Variants in LRP1B observed in about 807,000 individuals in gnomAD.
LRP1B encodes low-density lipoprotein receptor-related protein 1B.
LRP1B carries 217 observed loss-of-function variants against 556.6 expected under a neutral mutation model. That is an observed-to-expected ratio of 0.39 (90% CI 0.35 to 0.44). The LOEUF (loss-of-function observed/expected upper bound fraction) is 0.44. LRP1B is among the 20% of genes least tolerant of loss of function. The probability of loss-of-function intolerance (pLI) is 1.00; values close to 1 mark genes in which losing one functional copy is unlikely to be tolerated. For missense variants in LRP1B, 5,053 were observed against 5,620.8 expected (o/e 0.90, Z 3.23); for synonymous variants, 2,047 against 1,865.8 (o/e 1.10, Z -2.50).
chr2:141,527,285 T>C (rs909233635), intron 2 of LRP1B, among the ~76,000 whole-genome samples: 4 of 152,092 alleles, frequency 2.6e-5, no homozygotes, highest in Non-Finnish European at 4.4e-5. Flanking sequence ...TTACAAGGAA[T>C]ATAACAAGGC....
chr2:140,850,186 G>A lies in LRP1B; in HGVS notation c.4855C>T (p.Arg1619Cys), dbSNP rs760556842. The change falls in exon 29 of 91, where the codon CGT (arginine) becomes TGT (cysteine). Residue 1619 changes from arginine to cysteine, a missense_variant. By Grantham distance (180) the Arg-to-Cys change is radical. Coordinates refer to ENST00000389484, the MANE Select transcript of LRP1B (RefSeq NM_018557.3). ...TVIDFDASEERLYWTDIKTQT... is the reference protein window; with the variant it reads ...TVIDFDASEECLYWTDIKTQT... Reference sequence around the variant, plus strand: ...GTTTTAATATCTGTCCAGTATAAACGTTCCTCAGATGCATCGAAGTCTATC... The same window carrying A: ...GTTTTAATATCTGTCCAGTATAAACATTCCTCAGATGCATCGAAGTCTATC... 3.0e-5 allele frequency: 49 copies of A among 1,613,402 alleles called. 1 individual carries two copies. The highest frequency in any genetic ancestry group is 3.3e-5 in the South Asian group (3 of 91,074).
chr2:141,261,242 CT>C (rs957521260), intron 3 of LRP1B, among the ~76,000 whole-genome samples: 5 of 152,122 alleles, frequency 3.3e-5, no homozygotes, highest in Admixed American at 3.3e-4. Flanking sequence ...TCAGAATTTC[CT>C]TGTCTTAGTG....
chr2:140,853,760 T>C (rs1692529575), intron 27 of LRP1B, among the ~76,000 whole-genome samples: 1 of 152,106 alleles, frequency 6.6e-6, no homozygotes, highest in Non-Finnish European at 1.5e-5. Context: ...CAAAAGATAA[T>C]AGAAAAGAGT....
At chr2:140,655,926 G>A (rs1214614237) in intron 41 of LRP1B, among the ~76,000 whole-genome samples, 1 of 145,784 alleles carries the variant, frequency 6.9e-6, no homozygotes, top group Admixed American at 7.1e-5. Context: ...CTGGGAGACA[G>A]GGTGAGACTC....
chr2:141,944,509 T>C (rs974880338), intron 1 of LRP1B, among the ~76,000 whole-genome samples: 1 of 152,148 alleles, frequency 6.6e-6, no homozygotes, highest in African/African-American at 2.4e-5. Flanking sequence ...GGCCAAGGAA[T>C]GCTTTGAGAC....
intron 1 of LRP1B, among the ~76,000 whole-genome samples, chr2:141,870,449 C>G (rs1405003215): frequency 2.0e-5 from 3 of 151,796 alleles, no homozygotes; most frequent in Non-Finnish European, 4.4e-5. Context: ...GCCAATGTTT[C>G]CAAATAATTT....
chr2:140,587,727 T>C (rs1682043033), intron 43 of LRP1B, among the ~76,000 whole-genome samples: 1 of 152,150 alleles, frequency 6.6e-6, no homozygotes, highest in African/African-American at 2.4e-5. Flanking sequence ...CCACAATACA[T>C]ACATATATCA....
At chr2:141,600,834 C>T (rs1162749287) in intron 2 of LRP1B, among the ~76,000 whole-genome samples, 1 of 152,022 alleles carries the variant, frequency 6.6e-6, no homozygotes, top group African/African-American at 2.4e-5. Context: ...GCAGTTATAC[C>T]AGTCCCTCTT....
chr2:140,550,276 C>T (rs1184295101), intron 43 of LRP1B, among the ~76,000 whole-genome samples: 3 of 152,082 alleles, frequency 2.0e-5, no homozygotes, highest in African/African-American at 7.2e-5. Flanking sequence ...TTACCCACTG[C>T]TATGCAGATG....
intron 3 of LRP1B, among the ~76,000 whole-genome samples, chr2:141,287,774 T>G (rs1159021335): frequency 1.3e-5 from 2 of 152,164 alleles, no homozygotes; most frequent in Admixed American, 1.3e-4. Context: ...ACCCAGTATA[T>G]AATTTATATG....
At chr2:141,697,967 T>C (rs939001081) in intron 2 of LRP1B, among the ~76,000 whole-genome samples, 3 of 151,918 alleles carry the variant, frequency 2.0e-5, no homozygotes, top group African/African-American at 7.2e-5. Flanking sequence ...AGCACCAACA[T>C]TCTCTGTTTC....
intron 69 of LRP1B, among the ~76,000 whole-genome samples, chr2:140,371,753 G>T (rs1683010808): frequency 6.6e-6 from 1 of 151,714 alleles, no homozygotes; most frequent in African/African-American, 2.4e-5. Flanking sequence ...CAAAATCTTG[G>T]CATGGTCTCA....
chr2:141,421,544 A>G (rs1370994609), intron 3 of LRP1B, among the ~76,000 whole-genome samples: 3 of 146,858 alleles, frequency 2.0e-5, no homozygotes, highest in Non-Finnish European at 4.6e-5. Flanking sequence ...AAAAAAAAAA[A>G]ATTTACCTCT....
At chr2:141,749,039 T>C (rs1236223251) in intron 2 of LRP1B, among the ~76,000 whole-genome samples, 1 of 152,208 alleles carries the variant, frequency 6.6e-6, no homozygotes, top group Non-Finnish European at 1.5e-5. Flanking sequence ...AATCTAAGAA[T>C]GGGATGGAGA....
At chr2:140,604,892 C>T (rs1461982066) in intron 41 of LRP1B, among the ~76,000 whole-genome samples, 2 of 152,126 alleles carry the variant, frequency 1.3e-5, no homozygotes, top group Non-Finnish European at 2.9e-5. Flanking sequence ...CACACACCCT[C>T]TTGCCTGTCA....
intron 2 of LRP1B, among the ~76,000 whole-genome samples, chr2:141,557,592 CTT>C (rs1368988059): frequency 2.6e-5 from 4 of 151,896 alleles, no homozygotes; most frequent in African/African-American, 9.7e-5. Flanking sequence ...CCTTCACTGC[CTT>C]TCTCATTCAT....
In LRP1B at chr2:141,923,454, G is replaced by A. The variant is rs1464304714; in HGVS notation, c.83-113053C>T. 5.0e-3 allele frequency among the ~76,000 whole-genome samples: 516 copies of A among 103,474 alleles called. 3 individuals carry two copies. The highest frequency in any genetic ancestry group is 0.014 in the African/African-American group (451 of 31,516). 67.9% of individuals were successfully genotyped at this position (103,474 alleles called of 152,430 possible). ...AAAGAGATTATATATATATGTGTGT[G>A]TGTGTGTGTGTGTGTGTGTGTGTGT... On this transcript the variant is annotated intron_variant, in intron 1 of 90. Transcript: ENST00000389484.
chr2:142,048,836 A>G (rs1704347387), intron 1 of LRP1B, among the ~76,000 whole-genome samples: 1 of 152,110 alleles, frequency 6.6e-6, no homozygotes, highest in South Asian at 2.1e-4. Flanking sequence ...CAATGGACTA[A>G]TAAAGAGAAG....
chr2:140,940,158 T>G (rs1695354395), intron 20 of LRP1B, among the ~76,000 whole-genome samples: 1 of 152,124 alleles, frequency 6.6e-6, no homozygotes, highest in African/African-American at 2.4e-5. Flanking sequence ...ATGCCGTGAT[T>G]ACAGGGGTGA....
Sources: gnomAD v4.1 joint callset for allele counts (sites outside exome capture counted in the v4.1 genomes callset) on GRCh38, gnomAD v4.1.1 for gene constraint, MANE v1.5 for transcripts, NCBI Gene and HGNC (gene_info 2026-07-23, HGNC 2026-07-21) for gene names.